The following BTBD8 variants were observed in gnomAD, a reference collection of about 807,000 sequenced individuals.
BTBD8 encodes BTB/POZ domain-containing protein 8.
BTBD8 carries 110 observed loss-of-function variants against 162.9 expected under a neutral mutation model. That is an observed-to-expected ratio of 0.68 (90% CI 0.58 to 0.79). The LOEUF is 0.79. Ranked by LOEUF, BTBD8 falls within the 30% of genes least tolerant of loss-of-function variation. The pLI is 0.00. For missense variants in BTBD8, 1,905 were observed against 2,085.4 expected (o/e 0.91, Z 1.68); for synonymous variants, 667 against 716.1 (o/e 0.93, Z 1.10).
intron 4 of BTBD8, among the ~76,000 whole-genome samples, chr1:92,114,632 A>ATTG (rs1193319161): frequency 6.6e-6 from 1 of 152,018 alleles, no homozygotes; most frequent in Non-Finnish European, 1.5e-5. Context: ...TATTCATTTG[A>ATTG]TTGTCAGGGT....
intron 5 of BTBD8, among the ~76,000 whole-genome samples, chr1:92,132,886 A>C (rs1303631010): frequency 2.0e-5 from 3 of 152,184 alleles, no homozygotes; most frequent in Non-Finnish European, 2.9e-5. Flanking sequence ...GTTCTGTAAC[A>C]CTAAAAGAAG....
chr1:92,147,955 G>C, intron 9 of BTBD8, 169 bp downstream of exon 9: 3 of 591,152 alleles, frequency 5.1e-6, no homozygotes, highest in Non-Finnish European at 8.8e-6. Context: ...AAACCACTCT[G>C]CATACCCAGC....
chr1:92,134,823 A>G (rs931251898), intron 5 of BTBD8, among the ~76,000 whole-genome samples: 5 of 152,030 alleles, frequency 3.3e-5, no homozygotes, highest in Non-Finnish European at 7.4e-5. Flanking sequence ...AGGGCTCCAC[A>G]TAGGAGCCTG....
At chr1:92,118,393 G>A (rs1459595049) in intron 4 of BTBD8, among the ~76,000 whole-genome samples, 1 of 149,774 alleles carries the variant, frequency 6.7e-6, no homozygotes, top group Admixed American at 6.7e-5. Flanking sequence ...ACAATTTCAT[G>A]GATTATGGGT....
At chr1:92,183,820 CA>C in intron 17 of BTBD8, 43 bp from the exon 18 acceptor site, 1 of 1,338,326 alleles carries the variant, frequency 7.5e-7, no homozygotes, top group South Asian at 1.4e-5. Context: ...CTGAGGGTAC[CA>C]ACGTGCAATT....
Position 92,123,807 on chromosome 1 carries a change from A to G in BTBD8, c.663-5880A>G, listed in dbSNP as rs138781116. On this transcript the variant is annotated intron_variant, in intron 4 of 17. Transcript: ENST00000636805. Reference sequence around the variant, plus strand: ...AAAAAAAAAAAAAAAGAAAATTTGTAGAAATAATTTGACACTCAAGGTGAT... The same window carrying G: ...AAAAAAAAAAAAAAAGAAAATTTGTGGAAATAATTTGACACTCAAGGTGAT... 2.1e-3 allele frequency among the ~76,000 whole-genome samples: 305 copies of G among 146,796 alleles called. 4 individuals are homozygous for G. The highest frequency in any genetic ancestry group is 6.8e-3 in the African/African-American group (271 of 39,890).
rs113321393 is a variant in BTBD8, at chr1:92,180,291, G to T, written c.2608G>T (p.Val870Leu). The change falls in exon 17 of 18, where the codon GTA becomes TTA. Residue 870 changes from valine to leucine, a missense_variant. Physicochemically the swap from Val to Leu is conservative, Grantham distance 32 (BLOSUM62 1). Coordinates refer to ENST00000636805, the MANE Select transcript of BTBD8 (RefSeq NM_001376131.1). Reference protein sequence around the residue: ...QGSQGESPNSVKSSVSSRQSD... With the variant: ...QGSQGESPNSLKSSVSSRQSD... ...ATCCCAAGGAGAGTCACCAAACTCA[G>T]TAAAATCTTCAGTCTCTTCAAGGCA... 1 of 1,547,014 alleles carries T rather than the reference G, an allele frequency of 6.5e-7. No individual in the cohort carries two copies.
At chr1:92,134,626 C>G (rs1982720) in intron 5 of BTBD8, among the ~76,000 whole-genome samples, 96,486 of 152,066 alleles carry the variant, frequency 0.63, 31,122 homozygotes, top group East Asian at 0.97. Flanking sequence ...TAATCCTATT[C>G]TGTTGTCTTC....
intron 4 of BTBD8, among the ~76,000 whole-genome samples, chr1:92,122,470 G>C (rs917257936): frequency 8.5e-5 from 13 of 152,098 alleles, no homozygotes; most frequent in African/African-American, 2.9e-4. Context: ...TGTTGGCCAG[G>C]ATGGTCTTGA....
intron 1 of BTBD8, among the ~76,000 whole-genome samples, chr1:92,086,791 C>G (rs1172957944): frequency 1.3e-5 from 2 of 152,160 alleles, no homozygotes; most frequent in Non-Finnish European, 2.9e-5. Context: ...CTCTATCCTT[C>G]TACATGTGAT....
intron 4 of BTBD8, chr1:92,125,487 C>T (rs1237912570): frequency 6.3e-6 from 2 of 318,556 alleles, no homozygotes; most frequent in Non-Finnish European, 6.1e-6. Flanking sequence ...AAGGAGGAGG[C>T]AAAACAAATT....
intron 13 of BTBD8, among the ~76,000 whole-genome samples, chr1:92,176,512 A>G (rs1650714044): frequency 6.6e-6 from 1 of 152,232 alleles, no homozygotes; most frequent in Non-Finnish European, 1.5e-5. Context: ...TCCTCAGGGC[A>G]TCCTGAATCT....
At chr1:92,155,941 G>T (rs141813756) in intron 9 of BTBD8, among the ~76,000 whole-genome samples, 1 of 152,200 alleles carries the variant, frequency 6.6e-6, no homozygotes, top group African/African-American at 2.4e-5. Context: ...ATACCTGATT[G>T]TTCTGGTTAG....
chr1:92,182,542 T>C lies in BTBD8; in HGVS notation c.4859T>C (p.Val1620Ala). The C allele has an allele frequency of 6.5e-7, 1 of 1,534,582 alleles. No individual in the cohort carries two copies. The highest frequency in any genetic ancestry group is 1.4e-5 in the African/African-American group (1 of 72,026). The change falls in exon 17 of 18, where the codon GTG (valine) becomes GCG (alanine). Residue 1620 changes from valine to alanine, a missense_variant. Physicochemically the swap from Val to Ala is moderately conservative, Grantham distance 64 (BLOSUM62 0). Transcript: ENST00000636805. ...RSQVLPQEGP[V>A]KESHSTTTEK... ...CAAGTTCTGCCTCAGGAAGGTCCAG[T>C]GAAAGAGAGCCATTCTACAACTACT...
intron 1 of BTBD8, among the ~76,000 whole-genome samples, chr1:92,085,602 C>T (rs1648136572): frequency 6.6e-6 from 1 of 151,762 alleles, no homozygotes; most frequent in Non-Finnish European, 1.5e-5. Flanking sequence ...TAGAGGTGCA[C>T]ACCTGTACTC....
In BTBD8 at chr1:92,171,230, A is replaced by G. The variant is rs138884747; in HGVS notation, c.1574-169A>G. On this transcript the variant is annotated intron_variant, in intron 12 of 17. Coordinates refer to ENST00000636805, the MANE Select transcript of BTBD8 (RefSeq NM_001376131.1). Reference sequence around the variant, plus strand: ...GATAGAAAATGAGGTTCTTTTAAAAAAATTCTAAAATATAATAGGGAGTTG... The same window carrying G: ...GATAGAAAATGAGGTTCTTTTAAAAGAATTCTAAAATATAATAGGGAGTTG... 4.6e-5 allele frequency among the ~76,000 whole-genome samples: 7 copies of G among 152,248 alleles called. No homozygotes were observed. In the East Asian group the frequency reaches 1.3e-3, roughly 29 times the overall value.
intron 6 of BTBD8, among the ~76,000 whole-genome samples, chr1:92,140,310 A>T (rs773805375): frequency 6.6e-6 from 1 of 152,004 alleles, no homozygotes; most frequent in Non-Finnish European, 1.5e-5. Flanking sequence ...AACAACTGTG[A>T]TTTTTAAATG....
At chr1:92,111,237 C>T (rs911176860) in intron 4 of BTBD8, among the ~76,000 whole-genome samples, 2 of 152,066 alleles carry the variant, frequency 1.3e-5, no homozygotes, top group Non-Finnish European at 2.9e-5. Flanking sequence ...GAGTAATCTG[C>T]CCACCTCAGC....
In BTBD8 at chr1:92,163,662, C is replaced by T. The variant is rs77820146; in HGVS notation, c.1123-3296C>T. On this transcript the variant is annotated intron_variant, in intron 9 of 17. Transcript: ENST00000636805. ...AGCTTCCACAGTGTGGAAGGGGACC[C>T]GAGCAGATTGCCCTACATTTGAAAT... Among the ~76,000 whole-genome samples the T allele has an allele frequency of 5.7e-3, 868 of 151,732 alleles. 7 individuals are homozygous for T. Among genetic ancestry groups the T allele is most frequent in the African/African-American group, 0.018 (753 of 41,380 alleles).
Sources: gnomAD v4.1 joint callset for allele counts (sites outside exome capture counted in the v4.1 genomes callset) on GRCh38, gnomAD v4.1.1 for gene constraint, MANE v1.5 for transcripts, NCBI Gene and HGNC (gene_info 2026-07-23, HGNC 2026-07-21) for gene names.